Variants in ALDH7A1 observed in about 807,000 individuals in gnomAD.
ALDH7A1 encodes the protein alpha-aminoadipic semialdehyde dehydrogenase.
Under a neutral mutation model 79.9 loss-of-function variants are expected in ALDH7A1, and 63 were observed. The observed-to-expected ratio is 0.79, with a 90% confidence interval of 0.64 to 0.97. ALDH7A1 has a LOEUF of 0.97. Among genes scored for constraint, ALDH7A1 ranks in the 50% least tolerant of loss-of-function variants. The pLI, the probability that ALDH7A1 is intolerant of heterozygous loss-of-function variation, is 0.00. For synonymous variants in ALDH7A1, 240 were observed against 231.2 expected (o/e 1.04, Z -0.34); for missense variants, 627 against 665.2 (o/e 0.94, Z 0.63).
In ALDH7A1 at chr5:126,544,694, T is replaced by C. The variant is rs1749725985; in HGVS notation, c.*271A>G. On this transcript the variant is annotated 3_prime_UTR_variant, in exon 18 of 18. Transcript: ENST00000409134. ...TTTTTTTCTAATTACAAAATAATCA[T>C]TAACTTTTAAAAAGCCATGTACAAC... is the stretch of plus-strand genomic sequence containing the variant. The C allele has an allele frequency of 4.5e-6, 2 of 446,914 alleles. No homozygotes were observed. The highest frequency in any genetic ancestry group is 8.2e-6 in the Non-Finnish European group (2 of 244,844). 27.7% of individuals were successfully genotyped at this position (446,914 alleles called of 1,614,324 possible).
chr5:126,577,701 G>A (rs1023780901), intron 5 of ALDH7A1, among the ~76,000 whole-genome samples: 4 of 152,068 alleles, frequency 2.6e-5, no homozygotes, highest in African/African-American at 9.6e-5. Context: ...TGAGTAGCTG[G>A]GATTACAGGC....
At chr5:126,594,021 C>A in intron 1 of ALDH7A1, 2 of 332,750 alleles carry the variant, frequency 6.0e-6, no homozygotes, top group South Asian at 2.4e-5. Flanking sequence ...TAATATACAA[C>A]GTCCAACAAA....
chr5:126,595,006 CCT>C lies in ALDH7A1; in HGVS notation c.191_192del (p.Glu64GlyfsTer9). On this transcript the variant is annotated frameshift_variant and splice_region_variant, in exon 1 of 18. Transcript: ENST00000409134. LOFTEE classifies it high-confidence loss of function. ...VYNGSWGGRG[E>X]VITTYCPANN... is the part of the protein sequence containing the mutation. ...CAGAGATTTCTTGAGCGCCCGCGTA[CCT>C]CTCCCCGGCCTCCCCAGCTTCCATT... The C allele has an allele frequency of 6.3e-7, 1 of 1,596,752 alleles. No homozygotes were observed. Among genetic ancestry groups the C allele is most frequent in the Non-Finnish European group, 8.5e-7 (1 of 1,172,630 alleles).
rs375828849 is a variant in ALDH7A1 at position 126,585,027 on chromosome 5, G to A, written c.313-1015C>T. Among the ~76,000 whole-genome samples, 76 of 152,294 alleles carry A rather than the reference G, an allele frequency of 5.0e-4. 1 individual carries two copies. The highest frequency in any genetic ancestry group is 1.6e-3 in the African/African-American group (68 of 41,558). ...TCAAAGTACAGCTAAGGCTGGGCGC[G>A]GTGGCTCACGTCTATAATCCCAGCA... On this transcript the variant is annotated intron_variant, in intron 3 of 17. Coordinates refer to ENST00000409134, the MANE Select transcript of ALDH7A1 (RefSeq NM_001182.5).
intron 3 of ALDH7A1, among the ~76,000 whole-genome samples, chr5:126,590,162 T>C (rs554721023): frequency 1.4e-5 from 2 of 145,470 alleles, no homozygotes; most frequent in African/African-American, 5.1e-5. Flanking sequence ...GCCGCCACCC[T>C]GTCTGGGAAG....
intron 13 of ALDH7A1, among the ~76,000 whole-genome samples, 187 bp downstream of exon 13, chr5:126,554,100 C>A (rs1222527653): frequency 6.6e-6 from 1 of 152,186 alleles, no homozygotes; most frequent in Non-Finnish European, 1.5e-5. Flanking sequence ...GAGTAAGACT[C>A]TGTCTCAAAA....
At chr5:126,571,218 C>G in intron 7 of ALDH7A1, 1 of 293,760 alleles carries the variant, frequency 3.4e-6, no homozygotes, top group Non-Finnish European at 6.4e-6. Context: ...TGGCTCATGC[C>G]TGCAATCCCA....
Position 126,566,868 on chromosome 5 carries a change from CTTCT to C in ALDH7A1, c.871+1387_871+1390del, listed in dbSNP as rs534499175. Reference sequence around the variant, plus strand: ...ACTAATGAGAAATGATGACATTTTTCTTCTTTAATTTGCCAAATAGGACTAGTAC... The same window carrying C: ...ACTAATGAGAAATGATGACATTTTTCTTAATTTGCCAAATAGGACTAGTAC... On this transcript the variant is annotated intron_variant, in intron 9 of 17. Transcript: ENST00000409134. Among the ~76,000 whole-genome samples the C allele has an allele frequency of 4.6e-3, 707 of 152,276 alleles. 25 individuals are homozygous for C. The highest frequency in any genetic ancestry group is 1.2e-3 in the Non-Finnish European group (80 of 68,024).
chr5:126,544,808 T>C lies in ALDH7A1; in HGVS notation c.*157A>G. On this transcript the variant is annotated 3_prime_UTR_variant, in exon 18 of 18. Transcript: ENST00000409134. ...TTTATTTTGATTTTTAAAAAAGGAATCTCTTGATTTAATCAGGGCTTTGGG... is the reference window on the plus strand; with the variant it reads ...TTTATTTTGATTTTTAAAAAAGGAACCTCTTGATTTAATCAGGGCTTTGGG... 1 of 640,656 alleles carries C rather than the reference T, an allele frequency of 1.6e-6. No homozygotes were observed. The highest frequency in any genetic ancestry group is 2.8e-6 in the Non-Finnish European group (1 of 361,236). The allele number at this position is 640,656 out of a possible 1,614,324, so 39.7% of individuals were successfully genotyped here.
chr5:126,560,888 C>T (rs757790873), intron 10 of ALDH7A1, among the ~76,000 whole-genome samples, 195 bp downstream of exon 10: 4 of 152,204 alleles, frequency 2.6e-5, no homozygotes, highest in Non-Finnish European at 4.4e-5. Flanking sequence ...AACATGAATA[C>T]CTTTCCTTCC....
chr5:126,568,353 T>A lies in ALDH7A1; in HGVS notation c.777A>T (p.Thr259=). 1 of 1,614,038 alleles carries A rather than the reference T, an allele frequency of 6.2e-7. No individual in the cohort carries two copies. The highest frequency in any genetic ancestry group is 8.5e-7 in the Non-Finnish European group (1 of 1,179,936). Residue 259 remains threonine, a synonymous_variant, in exon 9 of 18, where the codon ACA becomes ACT. Coordinates refer to ENST00000409134, the MANE Select transcript of ALDH7A1 (RefSeq NM_001182.5). ...SLTCGGADIG[T]AMAKDERVNL... Reference sequence around the variant, plus strand: ...TCACTCGTTCATCTTTGGCCATTGCTGTGCTGCAAGGGAACAGACACGGTC... The same window carrying A: ...TCACTCGTTCATCTTTGGCCATTGCAGTGCTGCAAGGGAACAGACACGGTC...
intron 13 of ALDH7A1, among the ~76,000 whole-genome samples, chr5:126,553,644 G>A (rs927810107): frequency 1.3e-5 from 2 of 151,568 alleles, no homozygotes; most frequent in African/African-American, 4.8e-5. Context: ...CCTGGGAGGC[G>A]AGGTTGCAGT....
intron 3 of ALDH7A1, among the ~76,000 whole-genome samples, chr5:126,590,869 A>T (rs1163249161): frequency 6.7e-6 from 1 of 149,598 alleles, no homozygotes; most frequent in Non-Finnish European, 1.5e-5. Context: ...TGGGTGACAG[A>T]GCCAGACCCT....
intron 4 of ALDH7A1, 25 bp downstream of exon 4, chr5:126,583,907 T>G: frequency 1.9e-6 from 3 of 1,575,014 alleles, no homozygotes; most frequent in Non-Finnish European, 2.6e-6. Context: ...CAAAGAATTG[T>G]GTATATACTA....
intron 8 of ALDH7A1, chr5:126,570,382 C>A: frequency 5.1e-6 from 1 of 194,818 alleles, no homozygotes. Flanking sequence ...CCAGGGTTCC[C>A]TTTTTCAGTC....
chr5:126,568,552 G>A (rs997656824), intron 8 of ALDH7A1, 196 bp from the exon 9 acceptor site: 1 of 597,306 alleles, frequency 1.7e-6, no homozygotes, highest in African/African-American at 1.8e-5. Flanking sequence ...AGGCAGAAGA[G>A]GCTAACCTGC....
intron 10 of ALDH7A1, among the ~76,000 whole-genome samples, chr5:126,560,184 T>C (rs189235687): frequency 6.6e-6 from 1 of 152,226 alleles, no homozygotes; most frequent in Non-Finnish European, 1.5e-5. Flanking sequence ...TAAAAGTCCA[T>C]CCAGAGGCCA....
intron 9 of ALDH7A1, among the ~76,000 whole-genome samples, chr5:126,563,898 C>T (rs991180777): frequency 3.3e-5 from 5 of 151,822 alleles, no homozygotes; most frequent in Admixed American, 3.3e-4. Context: ...AGCCAACCTC[C>T]ATCCTCAGCC....
chr5:126,580,982 G>A (rs2112799849), intron 5 of ALDH7A1, among the ~76,000 whole-genome samples: 1 of 152,228 alleles, frequency 6.6e-6, no homozygotes, highest in South Asian at 2.1e-4. Flanking sequence ...GCGCCACCAT[G>A]CCTCACTAAT....
Sources: allele counts gnomAD v4.1 joint callset (sites outside exome capture counted in the v4.1 genomes callset), GRCh38; gene constraint gnomAD v4.1.1; transcripts MANE v1.5; gene names NCBI Gene and HGNC (gene_info 2026-07-23, HGNC 2026-07-21).